IKZF3: variants seen among roughly 807,000 people sequenced by gnomAD.
The protein encoded by IKZF3 is IKAROS family zinc finger 3.
IKZF3 carries 10 observed loss-of-function variants against 49.0 expected under a neutral mutation model. That is an observed-to-expected ratio of 0.20 (90% confidence interval 0.13 to 0.35). The LOEUF (loss-of-function observed/expected upper bound fraction) is 0.35, where lower values mean the gene tolerates loss of function less well. IKZF3 is among the 10% of genes least tolerant of loss of function. The probability of loss-of-function intolerance (pLI) is 1.00; values close to 1 mark genes in which losing one functional copy is unlikely to be tolerated. For synonymous variants in IKZF3, 209 were observed against 228.2 expected, an observed-to-expected ratio of 0.92 and a Z score of 0.76; for missense variants, 498 against 664.8, an observed-to-expected ratio of 0.75 and a Z score of 2.76.
intron 3 of IKZF3, among the ~76,000 whole-genome samples, chr17:39,815,160 A>G (rs1009183936): frequency 2.6e-5 from 4 of 152,214 alleles, no homozygotes; most frequent in Admixed American, 1.3e-4. Context: ...CATAACATAT[A>G]CATGCTCATG....
intron 1 of IKZF3, among the ~76,000 whole-genome samples, chr17:39,858,546 T>C (rs1166941536): frequency 6.6e-6 from 1 of 152,128 alleles, no homozygotes; most frequent in African/African-American, 2.4e-5. Context: ...GGTCTCACAC[T>C]GTCACCCAGG....
At chr17:39,838,689 G>C (rs2062376199) in intron 1 of IKZF3, among the ~76,000 whole-genome samples, 1 of 152,024 alleles carries the variant, frequency 6.6e-6, no homozygotes, top group Admixed American at 6.6e-5. Context: ...AGTTACCATT[G>C]ATTTCCTTTT....
chr17:39,779,721 C>T (rs1002298676), intron 6 of IKZF3, among the ~76,000 whole-genome samples: 1 of 149,084 alleles, frequency 6.7e-6, no homozygotes, highest in African/African-American at 2.5e-5. Flanking sequence ...AGGCCACTGG[C>T]TGCACTTGCC....
intron 1 of IKZF3, among the ~76,000 whole-genome samples, chr17:39,849,870 G>A (rs2062746507): frequency 6.6e-6 from 1 of 151,642 alleles, no homozygotes; most frequent in Admixed American, 6.6e-5. Context: ...AATAGCAAGT[G>A]TTAACAAAAA....
chr17:39,791,289 C>T, intron 5 of IKZF3, 127 bp downstream of exon 5: 1 of 955,872 alleles, frequency 1.0e-6, no homozygotes. Flanking sequence ...CTAGAGGTCT[C>T]TGCTGTTGTA....
chr17:39,799,736 C>T (rs1038530421), intron 3 of IKZF3, among the ~76,000 whole-genome samples: 1 of 152,230 alleles, frequency 6.6e-6, no homozygotes, highest in African/African-American at 2.4e-5. Flanking sequence ...GCCTTTCCCA[C>T]ACCTAAAATA....
chr17:39,845,901 AC>A (rs2062618600), intron 1 of IKZF3, among the ~76,000 whole-genome samples: 1 of 152,216 alleles, frequency 6.6e-6, no homozygotes, highest in African/African-American at 2.4e-5. Flanking sequence ...AAAAATATCG[AC>A]CACAGGATAT....
At chr17:39,839,758 C>T (rs2144385494) in intron 1 of IKZF3, among the ~76,000 whole-genome samples, 1 of 152,092 alleles carries the variant, frequency 6.6e-6, no homozygotes, top group African/African-American at 2.4e-5. Context: ...TCCCTGGGCT[C>T]AGGTGATCCT....
intron 3 of IKZF3, among the ~76,000 whole-genome samples, chr17:39,796,892 C>A (rs1163447348): frequency 6.7e-6 from 1 of 148,874 alleles, no homozygotes; most frequent in Non-Finnish European, 1.5e-5. Context: ...GGTCCAGGAG[C>A]GGTGGCTCAC....
At chr17:39,782,450 A>G (rs2060767870) in intron 6 of IKZF3, among the ~76,000 whole-genome samples, 1 of 152,104 alleles carries the variant, frequency 6.6e-6, no homozygotes, top group Non-Finnish European at 1.5e-5. Context: ...ATACACAAAG[A>G]AATGCTTTGT....
intron 1 of IKZF3, among the ~76,000 whole-genome samples, chr17:39,859,751 G>A (rs1325270239): frequency 6.6e-6 from 1 of 152,106 alleles, no homozygotes; most frequent in Non-Finnish European, 1.5e-5. Flanking sequence ...ATTTAATAAA[G>A]GCTAAATAGC....
intron 1 of IKZF3, chr17:39,835,357 C>A: frequency 2.0e-6 from 1 of 496,344 alleles, no homozygotes; most frequent in South Asian, 1.5e-5. Context: ...AGCTTGGACC[C>A]CCTGGCATTG....
chr17:39,794,250 C>T (rs1034131938), intron 3 of IKZF3, among the ~76,000 whole-genome samples: 3 of 152,162 alleles, frequency 2.0e-5, no homozygotes, highest in Non-Finnish European at 4.4e-5. Flanking sequence ...TTGGATTTGA[C>T]CTCATGCACT....
intron 3 of IKZF3, 38 bp from the exon 4 acceptor site, chr17:39,792,971 T>C: frequency 1.3e-6 from 2 of 1,596,446 alleles, no homozygotes; most frequent in Non-Finnish European, 8.5e-7. Flanking sequence ...ACAACGACTA[T>C]ACTTGAAGCT....
At chr17:39,771,646 T>G (rs2060446184) in intron 7 of IKZF3, among the ~76,000 whole-genome samples, 1 of 152,214 alleles carries the variant, frequency 6.6e-6, no homozygotes, top group South Asian at 2.1e-4. Context: ...ATATCTATAA[T>G]AAGAAGCAGA....
At chr17:39,806,418 A>G (rs1242648488) in intron 3 of IKZF3, among the ~76,000 whole-genome samples, 1 of 152,232 alleles carries the variant, frequency 6.6e-6, no homozygotes, top group African/African-American at 2.4e-5. Flanking sequence ...AAATTTTTAA[A>G]ACGCACAAAA....
intron 5 of IKZF3, among the ~76,000 whole-genome samples, chr17:39,788,686 A>G (rs959637493): frequency 6.6e-5 from 10 of 152,176 alleles, no homozygotes; most frequent in Admixed American, 5.2e-4. Context: ...GAAAAAGAAA[A>G]TAGGGCCCTT....
chr17:39,792,202 G>A (rs181168900), intron 4 of IKZF3, among the ~76,000 whole-genome samples: 10 of 152,230 alleles, frequency 6.6e-5, no homozygotes, highest in East Asian at 3.9e-4. Context: ...GCTCAAGTGC[G>A]ATGGTTGTGT....
intron 1 of IKZF3, among the ~76,000 whole-genome samples, chr17:39,855,885 A>G (rs1476976064): frequency 6.6e-6 from 1 of 152,104 alleles, no homozygotes; most frequent in East Asian, 1.9e-4. Flanking sequence ...CAAACAAGAA[A>G]TGCCCCAACT....
Sources: gnomAD v4.1 joint callset for allele counts (sites outside exome capture counted in the v4.1 genomes callset) on GRCh38, gnomAD v4.1.1 for gene constraint, MANE v1.5 for transcripts, NCBI Gene and HGNC (gene_info 2026-07-23, HGNC 2026-07-21) for gene names.